Variants in APBB2 observed in about 807,000 individuals in gnomAD.
The protein encoded by APBB2 is Fe65-like 1.
In APBB2, 38 loss-of-function variants were observed where a neutral mutation model predicts 82.5. The observed-to-expected ratio is 0.46, with a 90% CI of 0.36 to 0.60. The LOEUF is 0.60. APBB2 is among the 20% of genes least tolerant of loss of function. The pLI is 0.00. For missense variants in APBB2, 772 were observed against 972.3 expected, an observed-to-expected ratio of 0.79 and a Z score of 2.74; for synonymous variants, 341 against 368.2, an observed-to-expected ratio of 0.93 and a Z score of 0.85.
intron 3 of APBB2, among the ~76,000 whole-genome samples, chr4:41,095,310 G>A (rs747116615): frequency 6.6e-6 from 1 of 152,118 alleles, no homozygotes; most frequent in Non-Finnish European, 1.5e-5. Flanking sequence ...ACACTCTCAG[G>A]GCTAAACAAC....
intron 12 of APBB2, among the ~76,000 whole-genome samples, chr4:40,837,514 A>C (rs1009008506): frequency 6.6e-6 from 1 of 152,178 alleles, no homozygotes; most frequent in Non-Finnish European, 1.5e-5. Flanking sequence ...CAGAAAGAAC[A>C]TCACTCCCAG....
chr4:41,067,424 A>G (rs186678986), intron 3 of APBB2, among the ~76,000 whole-genome samples: 409 of 152,218 alleles, frequency 2.7e-3, no homozygotes, highest in African/African-American at 8.4e-3. Context: ...AAAAAAAAAA[A>G]AGAGAGAGAA....
At chr4:41,040,691 A>G (rs1428742214) in intron 4 of APBB2, among the ~76,000 whole-genome samples, 2 of 152,132 alleles carry the variant, frequency 1.3e-5, no homozygotes, top group African/African-American at 4.8e-5. Flanking sequence ...GCCTAAATTA[A>G]TTAATGCCAC....
chr4:41,120,266 G>A (rs1752407242), intron 2 of APBB2, among the ~76,000 whole-genome samples: 1 of 152,092 alleles, frequency 6.6e-6, no homozygotes, highest in Non-Finnish European at 1.5e-5. Context: ...CCACCTATCT[G>A]TTCATGCCTC....
intron 12 of APBB2, among the ~76,000 whole-genome samples, chr4:40,875,101 G>A (rs1241574134): frequency 6.6e-6 from 1 of 152,202 alleles, no homozygotes; most frequent in Non-Finnish European, 1.5e-5. Flanking sequence ...GGCAGGCAGG[G>A]GTGAGACCTG....
chr4:40,888,106 C>T (rs920127883), intron 12 of APBB2, among the ~76,000 whole-genome samples: 1 of 152,242 alleles, frequency 6.6e-6, no homozygotes, highest in Non-Finnish European at 1.5e-5. Context: ...GCTGCATCTG[C>T]TAGCGTGTGT....
intron 10 of APBB2, among the ~76,000 whole-genome samples, chr4:40,919,366 C>G (rs904197818): frequency 6.6e-6 from 1 of 152,072 alleles, no homozygotes; most frequent in Non-Finnish European, 1.5e-5. Flanking sequence ...CTGGAAGTTA[C>G]GTGAAAACTT....
intron 6 of APBB2, among the ~76,000 whole-genome samples, chr4:40,983,113 G>T (rs989729291): frequency 3.9e-5 from 6 of 152,210 alleles, no homozygotes; most frequent in Non-Finnish European, 5.9e-5. Flanking sequence ...AGTACTTCAT[G>T]TCTATTACTC....
chr4:41,040,276 A>G (rs192947636), intron 4 of APBB2, among the ~76,000 whole-genome samples: 1 of 152,354 alleles, frequency 6.6e-6, no homozygotes, highest in Non-Finnish European at 1.5e-5. Flanking sequence ...CTACAAAAAC[A>G]TACCGATTCC....
chr4:40,964,250 T>C (rs954350464), intron 6 of APBB2, among the ~76,000 whole-genome samples: 1 of 152,184 alleles, frequency 6.6e-6, no homozygotes, highest in Non-Finnish European at 1.5e-5. Context: ...CTGGAAAAGC[T>C]TGACCCTCTT....
intron 4 of APBB2, among the ~76,000 whole-genome samples, chr4:41,058,828 G>A (rs1271342667): frequency 6.6e-6 from 1 of 152,134 alleles, no homozygotes; most frequent in Non-Finnish European, 1.5e-5. Context: ...GACAGGGAAG[G>A]GCTCTGCCTG....
chr4:40,864,646 T>C (rs142552872), intron 12 of APBB2, among the ~76,000 whole-genome samples: 1 of 152,258 alleles, frequency 6.6e-6, no homozygotes, highest in Non-Finnish European at 1.5e-5. Context: ...TTATGCAATA[T>C]TCAGCAGAAA....
chr4:40,959,685 A>C lies in APBB2; in HGVS notation c.836-14612T>G, dbSNP rs919206916. On this transcript the variant is annotated intron_variant, in intron 6 of 17. Transcript: ENST00000508593. ...TGAAGTGGGCGTCATGTTTTGTAAA[A>C]TCCAAATCTGTGTGTGGGAACATTA... Among the ~76,000 whole-genome samples the C allele has an allele frequency of 3.9e-5, 6 of 152,320 alleles. 1 individual carries two copies. The South Asian group carries it at 1.2e-3, about 32-fold the overall frequency.
intron 2 of APBB2, among the ~76,000 whole-genome samples, chr4:41,105,576 T>C (rs987097732): frequency 2.4e-4 from 37 of 152,194 alleles, no homozygotes; most frequent in African/African-American, 8.9e-4. Context: ...GCTGCGCATA[T>C]GCACCTTTAA....
At chr4:40,964,963 A>G (rs1223522306) in intron 6 of APBB2, among the ~76,000 whole-genome samples, 1 of 152,074 alleles carries the variant, frequency 6.6e-6, no homozygotes, top group Non-Finnish European at 1.5e-5. Flanking sequence ...TACTAAAAAT[A>G]TAAAAAATTA....
At chr4:41,008,249 G>A (rs1807334472) in intron 6 of APBB2, among the ~76,000 whole-genome samples, 1 of 152,218 alleles carries the variant, frequency 6.6e-6, no homozygotes, top group Admixed American at 6.5e-5. Flanking sequence ...TTGGCACATT[G>A]TAAACCCACA....
Position 41,034,643 on chromosome 4 carries a change from C to T in APBB2, c.-50-1339G>A, listed in dbSNP as rs562269999. On this transcript the variant is annotated intron_variant, in intron 4 of 17. Transcript: ENST00000508593. ...CCTGGCCAAAAAGGGTTTTAAGATGCATCACCAAGAGGTGAAGAATATGCA... is the reference window on the plus strand; with the variant it reads ...CCTGGCCAAAAAGGGTTTTAAGATGTATCACCAAGAGGTGAAGAATATGCA... Among the ~76,000 whole-genome samples, 8 of 152,308 alleles carry T rather than the reference C, an allele frequency of 5.3e-5. No homozygotes were observed. The South Asian group carries it at 1.7e-3, about 32-fold the overall frequency.
At chr4:40,877,200 C>T (rs1426462847) in intron 12 of APBB2, among the ~76,000 whole-genome samples, 3 of 152,244 alleles carry the variant, frequency 2.0e-5, no homozygotes, top group African/African-American at 7.2e-5. Context: ...AGGAGTCTGT[C>T]TTGGCCAACG....
intron 7 of APBB2, among the ~76,000 whole-genome samples, chr4:40,943,237 T>C (rs911981659): frequency 1.3e-5 from 2 of 152,190 alleles, no homozygotes; most frequent in Non-Finnish European, 2.9e-5. Flanking sequence ...AGTGTCCCTG[T>C]CTGTAACATA....
Sources: allele counts gnomAD v4.1 joint callset (sites outside exome capture counted in the v4.1 genomes callset), GRCh38; gene constraint gnomAD v4.1.1; transcripts MANE v1.5; gene names NCBI Gene and HGNC (gene_info 2026-07-23, HGNC 2026-07-21).